Variants in ITSN1 observed in about 807,000 individuals in gnomAD.
ITSN1 encodes intersectin-1.
A neutral mutation model predicts 239.8 loss-of-function variants in ITSN1; 58 were observed. The observed-to-expected ratio is 0.24, with a 90% CI of 0.20 to 0.30. ITSN1 has a LOEUF of 0.30. Among genes scored for constraint, ITSN1 ranks in the 10% least tolerant of loss-of-function variants. The pLI is 1.00. For missense variants in ITSN1, 1,558 were observed against 2,103.3 expected, an observed-to-expected ratio of 0.74 and a Z score of 5.07; for synonymous variants, 780 against 770.8, an observed-to-expected ratio of 1.01 and a Z score of -0.20.
rs537348750 is a variant in ITSN1, at chr21:33,849,832, G to A, written c.3662-6904G>A. On this transcript the variant is annotated intron_variant, in intron 29 of 39. Transcript: ENST00000381318. ...TTAAAAATAAAACAAAAACCAACAG[G>A]CTCCTCCTTCATATTCCAATAAAAA... 5.9e-5 allele frequency among the ~76,000 whole-genome samples: 9 copies of A among 152,146 alleles called. No individual in the cohort carries two copies. In the South Asian group the frequency reaches 1.2e-3, roughly 21 times the overall value.
chr21:33,790,470 C>T lies in ITSN1; in HGVS notation c.1825-3871C>T, dbSNP rs553192370. ...ATTACATACTCTACCTAGTGTAAAA[C>T]ATGTCATACACTTGAATAGAATTCA... On this transcript the variant is annotated intron_variant, in intron 16 of 39. Coordinates refer to ENST00000381318, the MANE Select transcript of ITSN1 (RefSeq NM_003024.3). Among the ~76,000 whole-genome samples, 7 of 151,972 alleles carry T rather than the reference C, an allele frequency of 4.6e-5. No individual in the cohort carries two copies. The East Asian group carries it at 9.7e-4, about 21-fold the overall frequency.
intron 3 of ITSN1, 114 bp from the exon 4 acceptor site, chr21:33,722,474 G>C (rs2065547286): frequency 3.1e-6 from 4 of 1,301,376 alleles, no homozygotes; most frequent in Non-Finnish European, 4.1e-6. Flanking sequence ...CACTCAACTG[G>C]TATTTATAGT....
chr21:33,818,169 C>A, intron 22 of ITSN1, 98 bp from the exon 23 acceptor site: 1 of 948,860 alleles, frequency 1.1e-6, no homozygotes, highest in Non-Finnish European at 1.6e-6. Context: ...GTGTGCTTGT[C>A]TGGCCTGTGC....
intron 30 of ITSN1, among the ~76,000 whole-genome samples, chr21:33,857,307 C>G (rs1979540106): frequency 6.6e-6 from 1 of 152,216 alleles, no homozygotes; most frequent in South Asian, 2.1e-4. Flanking sequence ...CTGAGACAAA[C>G]CTGTCACTGA....
chr21:33,880,674 G>A (rs1226720858), intron 34 of ITSN1, among the ~76,000 whole-genome samples: 1 of 152,164 alleles, frequency 6.6e-6, no homozygotes, highest in African/African-American at 2.4e-5. Flanking sequence ...GGGGACACAT[G>A]TTACGAACCT....
chr21:33,739,735 G>A (rs188906273), intron 5 of ITSN1, among the ~76,000 whole-genome samples: 20 of 152,180 alleles, frequency 1.3e-4, no homozygotes, highest in African/African-American at 4.8e-4. Context: ...AAAGTCCTAA[G>A]GCAAAAACTA....
At chr21:33,868,344 G>A (rs1284220162) in intron 33 of ITSN1, among the ~76,000 whole-genome samples, 59 of 152,366 alleles carry the variant, frequency 3.9e-4, no homozygotes, top group Admixed American at 3.0e-3. Context: ...GGTGGTCGAT[G>A]GGACTGGGCG....
At chr21:33,796,743 T>C (rs550683167) in intron 17 of ITSN1, among the ~76,000 whole-genome samples, 2 of 152,252 alleles carry the variant, frequency 1.3e-5, no homozygotes, top group Non-Finnish European at 2.9e-5. Context: ...CTAGTTATTA[T>C]TATGTCATTT....
rs566065722 is a variant in ITSN1 at position 33,774,831 on chromosome 21, G to A, written c.1408G>A (p.Val470Ile). 1 of 1,613,598 alleles carries A rather than the reference G, an allele frequency of 6.2e-7. No individual in the cohort carries two copies. The highest frequency in any genetic ancestry group is 1.1e-5 in the South Asian group (1 of 90,888). The change falls in exon 13 of 40, where the codon GTA (valine) becomes ATA (isoleucine). Residue 470 changes from valine (V) to isoleucine (I), a missense_variant. By Grantham distance (29) the Val-to-Ile change is conservative (BLOSUM62 3). Around this residue, in one of 2 missense-constraint regions of ITSN1, gnomAD observed 982 missense variants for 1,209.9 expected, o/e 0.81. Coordinates refer to ENST00000381318, the MANE Select transcript of ITSN1 (RefSeq NM_003024.3). ...QRNKEQEDIV[V>I]LKAKKKTLEF... ...AAACAAAGAACAAGAGGACATAGTTGTACTGAAAGCAAAGAAAAAGACTTT... is the reference window on the plus strand; with the variant it reads ...AAACAAAGAACAAGAGGACATAGTTATACTGAAAGCAAAGAAAAAGACTTT...
At position 33,659,705 on chromosome 21, in the gene ITSN1, C is replaced by CTTTTTTTT. The variant is rs71194859; in HGVS notation, c.-33+17010_-33+17017dup. On this transcript the variant is annotated intron_variant, in intron 1 of 39. Coordinates refer to ENST00000381318, the MANE Select transcript of ITSN1 (RefSeq NM_003024.3). ...TCATGGACTAAGTCAGCAGCCTGTA[C>CTTTTTTTT]TTTTTTTTTTTTTTTTTTTTTTTTT... Among the ~76,000 whole-genome samples the CTTTTTTTT allele has an allele frequency of 7.8e-5, 6 of 76,608 alleles. 1 individual carries two copies. Among genetic ancestry groups the CTTTTTTTT allele is most frequent in the Non-Finnish European group, 1.2e-4 (5 of 42,900 alleles). The allele number at this position is 76,608 out of a possible 152,430, so 50.3% of individuals were successfully genotyped here. A position where few individuals can be genotyped will look rare whatever the true frequency, so the allele number is the denominator to read the frequency against.
At chr21:33,658,775 T>G (rs981028505) in intron 1 of ITSN1, among the ~76,000 whole-genome samples, 2 of 152,228 alleles carry the variant, frequency 1.3e-5, no homozygotes, top group East Asian at 1.9e-4. Flanking sequence ...GTTCATTGTT[T>G]CAGCAGTTAT....
chr21:33,778,659 A>C (rs1265260887), intron 14 of ITSN1, among the ~76,000 whole-genome samples: 1 of 125,550 alleles, frequency 8.0e-6, no homozygotes, highest in Non-Finnish European at 1.5e-5. Context: ...GCTCACTGCA[A>C]GCTCCGCCTC....
intron 29 of ITSN1, among the ~76,000 whole-genome samples, chr21:33,851,472 C>T (rs1307806470): frequency 6.6e-6 from 1 of 151,794 alleles, no homozygotes; most frequent in Non-Finnish European, 1.5e-5. Context: ...GACCTCAGCT[C>T]ACTGCAACCT....
rs753977647 is a variant in ITSN1 at position 33,811,066 on chromosome 21, T to A, written c.2411T>A (p.Ile804Asn). The change falls in exon 21 of 40, where the codon ATC becomes AAC. Residue 804 changes from isoleucine to asparagine, a missense_variant. This residue lies in a region of ITSN1 where 982 missense variants were observed against 1,209.9 expected (regional missense o/e 0.81). Transcript: ENST00000381318. ...GWFPANYAEK[I>N]PENEVPAPVK... ...TTCCCTGCAAACTATGCAGAGAAAA[T>A]CCCAGAAAATGAGGTTCCCGCTCCA... The A allele has an allele frequency of 6.2e-7, 1 of 1,614,018 alleles. No individual in the cohort carries two copies. The highest frequency in any genetic ancestry group is 8.5e-7 in the Non-Finnish European group (1 of 1,179,986).
chr21:33,841,159 A>G (rs1363095116), intron 29 of ITSN1, among the ~76,000 whole-genome samples: 2 of 152,242 alleles, frequency 1.3e-5, no homozygotes. Context: ...AGAAACTGGT[A>G]TCTTCCCTGT....
intron 11 of ITSN1, among the ~76,000 whole-genome samples, chr21:33,769,044 T>TCTC (rs1451999477): frequency 2.0e-5 from 3 of 152,210 alleles, no homozygotes; most frequent in African/African-American, 7.2e-5. Flanking sequence ...GGTTGGTTGG[T>TCTC]GTAGACTGGG....
chr21:33,750,696 A>G (rs2067494101), intron 6 of ITSN1, among the ~76,000 whole-genome samples: 1 of 152,272 alleles, frequency 6.6e-6, no homozygotes, highest in Non-Finnish European at 1.5e-5. Flanking sequence ...AATTGCTAAT[A>G]AGCAAGCCAA....
intron 27 of ITSN1, among the ~76,000 whole-genome samples, chr21:33,832,771 A>G (rs1182631924): frequency 6.6e-6 from 1 of 152,190 alleles, no homozygotes; most frequent in Non-Finnish European, 1.5e-5. Flanking sequence ...GGAAAGGGAA[A>G]CCTGCTCTGT....
intron 20 of ITSN1, among the ~76,000 whole-genome samples, chr21:33,805,925 C>T (rs1177558583): frequency 2.8e-5 from 4 of 144,850 alleles, no homozygotes; most frequent in South Asian, 2.3e-4. Flanking sequence ...GTTTTAAGGC[C>T]GGGCGCGGTG....
Sources: gnomAD v4.1 joint callset for allele counts (sites outside exome capture counted in the v4.1 genomes callset) on GRCh38, gnomAD v4.1.1 for gene constraint, gnomAD v4.1.1 regional missense constraint, MANE v1.5 for transcripts, NCBI Gene and HGNC (gene_info 2026-07-23, HGNC 2026-07-21) for gene names.